Variants in LARS2 observed in about 807,000 individuals in gnomAD.
The protein encoded by LARS2 is leucine--tRNA ligase, mitochondrial.
In LARS2, 81 loss-of-function variants were observed where a neutral mutation model predicts 116.6. The observed-to-expected ratio is 0.69, with a 90% CI of 0.58 to 0.84. The LOEUF is 0.84. Among genes scored for constraint, LARS2 ranks in the 40% least tolerant of loss-of-function variants. The pLI is 0.00. For missense variants in LARS2, 968 were observed against 1,114.5 expected (o/e 0.87, Z 1.87); for synonymous variants, 396 against 407.2 (o/e 0.97, Z 0.33).
intron 8 of LARS2, among the ~76,000 whole-genome samples, chr3:45,472,596 A>AATG (rs772149547): frequency 2.6e-5 from 4 of 152,260 alleles, no homozygotes; most frequent in Non-Finnish European, 5.9e-5. Flanking sequence ...TGGATCTCTA[A>AATG]TACATGCCTT....
intron 8 of LARS2, among the ~76,000 whole-genome samples, chr3:45,465,382 G>A (rs1699402049): frequency 6.6e-6 from 1 of 152,112 alleles, no homozygotes; most frequent in Non-Finnish European, 1.5e-5. Flanking sequence ...AGTGGCCAGT[G>A]CCACAGGGAC....
intron 6 of LARS2, among the ~76,000 whole-genome samples, chr3:45,430,093 G>C (rs564213228): frequency 1.5e-5 from 2 of 131,942 alleles, no homozygotes; most frequent in South Asian, 2.6e-4. Flanking sequence ...CTCCCTGCAA[G>C]CTTGGCCTCC....
At chr3:45,397,335 G>T (rs1034799086) in intron 3 of LARS2, among the ~76,000 whole-genome samples, 1 of 152,076 alleles carries the variant, frequency 6.6e-6, no homozygotes, top group Admixed American at 6.6e-5. Flanking sequence ...AAAGCAAAAG[G>T]CAGGGACAGG....
chr3:45,528,507 C>T (rs1210485594), intron 20 of LARS2, among the ~76,000 whole-genome samples: 2 of 152,146 alleles, frequency 1.3e-5, no homozygotes, highest in Admixed American at 6.5e-5. Context: ...AATTTATATA[C>T]TTGTGCACCC....
intron 6 of LARS2, among the ~76,000 whole-genome samples, chr3:45,430,029 T>TTTG (rs1553629354): frequency 7.2e-6 from 1 of 138,762 alleles, no homozygotes; most frequent in African/African-American, 2.8e-5. Context: ...TTTTTTTTTT[T>TTTG]GAGACAGAGT....
intron 15 of LARS2, among the ~76,000 whole-genome samples, chr3:45,501,333 C>T (rs1328746834): frequency 6.6e-6 from 1 of 151,172 alleles, no homozygotes; most frequent in Non-Finnish European, 1.5e-5. Flanking sequence ...CACTTTCTTG[C>T]TTTTCTTTAT....
At chr3:45,412,051 A>C (rs891327834) in intron 4 of LARS2, among the ~76,000 whole-genome samples, 2 of 152,166 alleles carry the variant, frequency 1.3e-5, no homozygotes, top group Admixed American at 1.3e-4. Flanking sequence ...ATAGTATTCT[A>C]TGCTGTAAAC....
At chr3:45,416,112 G>A (rs9311367) in intron 4 of LARS2, among the ~76,000 whole-genome samples, 92,337 of 151,158 alleles carry the variant, frequency 0.61, 29,704 homozygotes, top group Non-Finnish European at 0.73. Context: ...GGAAGAAAGG[G>A]ATGAACTTCA....
At chr3:45,546,103 T>C (rs1232670826) in intron 21 of LARS2, among the ~76,000 whole-genome samples, 2 of 152,220 alleles carry the variant, frequency 1.3e-5, no homozygotes, top group African/African-American at 2.4e-5. Flanking sequence ...GAGGAGATGT[T>C]GCCCTGGGCT....
intron 15 of LARS2, among the ~76,000 whole-genome samples, chr3:45,504,726 A>T (rs1206190651): frequency 6.6e-6 from 1 of 151,694 alleles, no homozygotes; most frequent in African/African-American, 2.4e-5. Flanking sequence ...TCATGGTCTC[A>T]CAGATACTAC....
intron 6 of LARS2, among the ~76,000 whole-genome samples, chr3:45,444,263 T>C (rs1490118076): frequency 6.7e-6 from 1 of 148,752 alleles, no homozygotes; most frequent in African/African-American, 2.5e-5. Context: ...TCCCCCCGCC[T>C]CAGCCTCCCA....
At chr3:45,467,382 G>T (rs1699441417) in intron 8 of LARS2, among the ~76,000 whole-genome samples, 1 of 152,168 alleles carries the variant, frequency 6.6e-6, no homozygotes, top group African/African-American at 2.4e-5. Context: ...GCTACCAGAT[G>T]GCTAGCTCTA....
At position 45,465,548 on chromosome 3, in the gene LARS2, A is replaced by G. The variant is rs372857028; in HGVS notation, c.750+6662A>G. Among the ~76,000 whole-genome samples the G allele has an allele frequency of 3.0e-4, 46 of 152,324 alleles. 1 individual carries two copies. In the South Asian group the frequency reaches 5.2e-3, roughly 17 times the overall value. On this transcript the variant is annotated intron_variant, in intron 8 of 21. Coordinates refer to ENST00000645846, the MANE Select transcript of LARS2 (RefSeq NM_015340.4). ...CCCAGGCAAGCAAAAAGCTGCCTGAATAGAGGGAGTAAAATCTTTAATAAC... is the reference window on the plus strand; with the variant it reads ...CCCAGGCAAGCAAAAAGCTGCCTGAGTAGAGGGAGTAAAATCTTTAATAAC...
intron 1 of LARS2, among the ~76,000 whole-genome samples, chr3:45,390,466 C>T (rs951487114): frequency 1.3e-5 from 2 of 150,986 alleles, no homozygotes; most frequent in African/African-American, 4.9e-5. Flanking sequence ...GCGCCCGCCA[C>T]CACGCCTGGC....
chr3:45,394,545 G>A lies in LARS2; in HGVS notation c.92G>A (p.Arg31Lys). 1 of 1,614,142 alleles carries A rather than the reference G, an allele frequency of 6.2e-7. No individual in the cohort carries two copies. Among genetic ancestry groups the A allele is most frequent in the African/African-American group, 1.3e-5 (1 of 75,050 alleles). The change falls in exon 3 of 22, where the codon AGA becomes AAA. Residue 31 changes from arginine (R) to lysine (K), a missense_variant. Arg to Lys is a conservative substitution (Grantham distance 26). Coordinates refer to ENST00000645846, the MANE Select transcript of LARS2 (RefSeq NM_015340.4). ...CCAGATGTCATCAAGTGGGAAAGGA[G>A]AGTAATTCCCGGATGTACCAGAAGC... ...GGPDVIKWER[R>K]VIPGCTRSIY...
intron 6 of LARS2, among the ~76,000 whole-genome samples, chr3:45,433,420 T>C (rs2125696305): frequency 6.6e-6 from 1 of 152,254 alleles, no homozygotes; most frequent in South Asian, 2.1e-4. Context: ...TGGGTAGCTT[T>C]TTTATTAGTT....
intron 17 of LARS2, among the ~76,000 whole-genome samples, chr3:45,517,481 G>A (rs944444059): frequency 6.6e-6 from 1 of 152,256 alleles, no homozygotes; most frequent in African/African-American, 2.4e-5. Flanking sequence ...GTGGCTGCAA[G>A]CACAGTCATG....
rs148736694 is a variant in LARS2, at chr3:45,441,023, C to CT, written c.517-5848dup. Among the ~76,000 whole-genome samples, 730 of 87,072 alleles carry CT rather than the reference C, an allele frequency of 8.4e-3. 17 individuals are homozygous for CT. Among genetic ancestry groups the CT allele is most frequent in the African/African-American group, 0.022 (605 of 28,012 alleles). 57.1% of individuals were successfully genotyped at this position (87,072 alleles called of 152,430 possible). On this transcript the variant is annotated intron_variant, in intron 6 of 21. Coordinates refer to ENST00000645846, the MANE Select transcript of LARS2 (RefSeq NM_015340.4). ...TCACTCACCCCTGCCATCACACACT[C>CT]TTTTTTTTTTTTTTTTTTTTGAGAC...
chr3:45,515,955 G>A (rs1700363427), intron 16 of LARS2, 139 bp from the exon 17 acceptor site: 2 of 618,444 alleles, frequency 3.2e-6, no homozygotes, highest in Admixed American at 6.5e-5. Flanking sequence ...GGGAGAGAAA[G>A]CGGCTTGTTA....
Sources: gnomAD v4.1 joint callset for allele counts (sites outside exome capture counted in the v4.1 genomes callset) on GRCh38, gnomAD v4.1.1 for gene constraint, MANE v1.5 for transcripts, NCBI Gene and HGNC (gene_info 2026-07-23, HGNC 2026-07-21) for gene names.